The following PTPRH variants were observed in gnomAD, a reference collection of about 807,000 sequenced individuals.
PTPRH encodes the protein receptor-type tyrosine-protein phosphatase H.
PTPRH carries 113 observed loss-of-function variants against 130.2 expected under a neutral mutation model. The observed-to-expected ratio is 0.87, with a 90% CI of 0.75 to 1.01. PTPRH has a LOEUF of 1.01. PTPRH is among the 50% of genes least tolerant of loss of function. PTPRH has a pLI of 0.00. For synonymous variants in PTPRH, 556 were observed against 577.9 expected (o/e 0.96, Z 0.54); for missense variants, 1,430 against 1,425.0 (o/e 1.00, Z -0.06).
rs1417284879 is a variant in PTPRH, at chr19:55,209,126, C to T, written c.51+257G>A. Among the ~76,000 whole-genome samples the T allele has an allele frequency of 6.6e-6, 1 of 151,384 alleles. No homozygotes were observed. The highest frequency in any genetic ancestry group is 1.5e-5 in the Non-Finnish European group (1 of 67,762). On this transcript the variant is annotated intron_variant, in intron 1 of 19. Coordinates refer to ENST00000376350, the MANE Select transcript of PTPRH (RefSeq NM_002842.5). The surrounding 1 kb of genome is among the most constrained non-coding windows in gnomAD (Gnocchi z 4.1). ...ACAGTGTCTAAGGGCCCGGGTGAAG[C>T]TGGTGTCCCCCACAACAGACACGAC...
At chr19:55,204,096 T>C (rs45623435) in intron 4 of PTPRH, 48 bp from the exon 5 acceptor site, 182,478 of 1,521,378 alleles carry the variant, frequency 0.12, 11,723 homozygotes, top group African/African-American at 0.16. Context: ...CTACAGAACA[T>C]AACGGGGGCA....
At chr19:55,191,200 G>C (rs1293005049) in intron 12 of PTPRH, among the ~76,000 whole-genome samples, 1 of 152,210 alleles carries the variant, frequency 6.6e-6, no homozygotes, top group East Asian at 1.9e-4. Context: ...CAAGAATCTT[G>C]GTTTCATTTG....
At chr19:55,194,063 T>C in intron 10 of PTPRH, 1 of 831,482 alleles carries the variant, frequency 1.2e-6, no homozygotes. Flanking sequence ...TTCGTCAGGC[T>C]GGTCTCGAAC....
intron 10 of PTPRH, among the ~76,000 whole-genome samples, chr19:55,196,225 T>C (rs2086675479): frequency 6.6e-6 from 1 of 151,808 alleles, no homozygotes; most frequent in Non-Finnish European, 1.5e-5. Flanking sequence ...CCATCTCTAC[T>C]AAAAATCCAA....
chr19:55,186,496 C>T lies in PTPRH; in HGVS notation c.2611G>A (p.Gly871Ser). 6.4e-7 allele frequency: 1 copy of T among 1,562,502 alleles called. No individual in the cohort carries two copies. Among genetic ancestry groups the T allele is most frequent in the Non-Finnish European group, 8.6e-7 (1 of 1,160,420 alleles). ...VPLKPIHEEP[G>S]SDYINASFMP... ...AAGCTGGCATTGATGTAGTCAGAGC[C>T]TGGCTCCTCATGGATGGGCTTCAGG... Residue 871 changes from glycine to serine, a missense_variant, in exon 15 of 20, where the codon GGC (glycine) becomes AGC (serine). Transcript: ENST00000376350.
In PTPRH at chr19:55,187,683, C is replaced by A. The variant is rs2086402126; in HGVS notation, c.2476-80G>T. The A allele has an allele frequency of 1.6e-5, 16 of 1,021,094 alleles. 1 individual carries two copies. The highest frequency in any genetic ancestry group is 2.1e-4 in the Middle Eastern group (1 of 4,854). 63.3% of individuals were successfully genotyped at this position (1,021,094 alleles called of 1,614,324 possible). ...GGGGGTACCCCCGAGCTCCCCTTGC[C>A]TTCTTCGGCATCACCCCTTGTTTAT... is the stretch of plus-strand genomic sequence containing the variant. On this transcript the variant is annotated intron_variant, in intron 13 of 19. Coordinates refer to ENST00000376350, the MANE Select transcript of PTPRH (RefSeq NM_002842.5).
At chr19:55,204,978 G>A (rs2086997034) in intron 4 of PTPRH, among the ~76,000 whole-genome samples, 1 of 152,152 alleles carries the variant, frequency 6.6e-6, no homozygotes, top group African/African-American at 2.4e-5. Context: ...CTCAATATGT[G>A]ACGCAGCTGG....
chr19:55,201,835 TAG>T (rs924461952), intron 6 of PTPRH, among the ~76,000 whole-genome samples: 34 of 152,344 alleles, frequency 2.2e-4, no homozygotes, highest in African/African-American at 7.5e-4. Context: ...GTCCACATTC[TAG>T]AGAGTCCTAG....
At chr19:55,195,186 G>A (rs910975866) in intron 10 of PTPRH, among the ~76,000 whole-genome samples, 18 of 152,144 alleles carry the variant, frequency 1.2e-4, no homozygotes, top group African/African-American at 4.3e-4. Context: ...TTAGCTGGGC[G>A]TGGTAGGAGG....
chr19:55,201,001 T>C (rs936450936), intron 6 of PTPRH, among the ~76,000 whole-genome samples: 1 of 151,144 alleles, frequency 6.6e-6, no homozygotes, highest in Non-Finnish European at 1.5e-5. Flanking sequence ...TGGAATAGCA[T>C]TAAGAGGTAG....
intron 10 of PTPRH, among the ~76,000 whole-genome samples, chr19:55,192,840 C>T (rs1412977807): frequency 6.6e-6 from 1 of 151,906 alleles, no homozygotes; most frequent in African/African-American, 2.4e-5. Flanking sequence ...CATGAGCCAC[C>T]ATGCCCGGCT....
chr19:55,196,712 G>T lies in PTPRH; in HGVS notation c.2067C>A (p.Pro689=), dbSNP rs137912212. Residue 689 remains proline (P), a synonymous_variant, in exon 10 of 20, where the codon CCC becomes CCA. Coordinates refer to ENST00000376350, the MANE Select transcript of PTPRH (RefSeq NM_002842.5). Reference sequence around the variant, plus strand: ...ACTCAAAGGCCTCGTAGCCTCCCTGGGGGCAGGACCAGATCAAGTTGACTC... The same window carrying T: ...ACTCAAAGGCCTCGTAGCCTCCCTGTGGGCAGGACCAGATCAAGTTGACTC... ...GYGVNLIWSC[P]QGGYEAFELE... 4 of 1,613,944 alleles carry T rather than the reference G, an allele frequency of 2.5e-6. No individual in the cohort carries two copies. Among genetic ancestry groups the T allele is most frequent in the Non-Finnish European group, 3.4e-6 (4 of 1,180,022 alleles).
chr19:55,193,328 G>A (rs1030805753), intron 10 of PTPRH, among the ~76,000 whole-genome samples: 2 of 151,908 alleles, frequency 1.3e-5, no homozygotes, highest in African/African-American at 2.4e-5. Context: ...CTACTCAGGG[G>A]ACTGAGGCAG....
chr19:55,204,585 TC>T (rs972716818), intron 4 of PTPRH, among the ~76,000 whole-genome samples: 16 of 151,784 alleles, frequency 1.1e-4, no homozygotes, highest in Admixed American at 2.6e-4. Context: ...GAGACTGCAC[TC>T]CCCCCCACCC....
rs772313737 is a variant in PTPRH, at chr19:55,191,653, T to C, written c.2336+10A>G. 11 of 1,613,816 alleles carry C rather than the reference T, an allele frequency of 6.8e-6. No individual in the cohort carries two copies. The highest frequency in any genetic ancestry group is 9.3e-6 in the Non-Finnish European group (11 of 1,179,688). On this transcript the variant is annotated intron_variant, in intron 11 of 19. Transcript: ENST00000376350. ...ACCCTCCAGGCGGTCAGCCCTGTGCTGAGTCTCACCTCCTCTTCAGGAAGA... is the reference window on the plus strand; with the variant it reads ...ACCCTCCAGGCGGTCAGCCCTGTGCCGAGTCTCACCTCCTCTTCAGGAAGA...
Position 55,209,198 on chromosome 19 carries a change from G to A in PTPRH, c.51+185C>T, listed in dbSNP as rs1424949489. 2.0e-5 allele frequency among the ~76,000 whole-genome samples: 3 copies of A among 152,040 alleles called. No individual in the cohort carries two copies. The highest frequency in any genetic ancestry group is 2.9e-5 in the Non-Finnish European group (2 of 67,984). On this transcript the variant is annotated intron_variant, in intron 1 of 19. Transcript: ENST00000376350. The surrounding 1 kb of genome is among the most constrained non-coding windows in gnomAD (Gnocchi z 4.1). ...AGCTGGTGTCCCCCGCAGCAGACAC[G>A]ACAGTATCTAAGAGCCCAGGTGTAA...
intron 1 of PTPRH, 85 bp from the exon 2 acceptor site, chr19:55,207,284 T>A: frequency 6.8e-7 from 1 of 1,467,166 alleles, no homozygotes; most frequent in Non-Finnish European, 9.3e-7. Flanking sequence ...GAGCGGCTGG[T>A]CCCCGCCCCA....
At chr19:55,193,754 C>G (rs894348294) in intron 10 of PTPRH, among the ~76,000 whole-genome samples, 31 of 152,238 alleles carry the variant, frequency 2.0e-4, no homozygotes, top group African/African-American at 7.5e-4. Context: ...CTGTTCTCCC[C>G]AGATTGAGGC....
rs146349676 is a variant in PTPRH, at chr19:55,188,162, T to G, written c.2391A>C (p.Pro797=). The G allele has an allele frequency of 9.3e-6, 15 of 1,613,728 alleles. No homozygotes were observed. In the African/African-American group the frequency reaches 1.9e-4, roughly 20 times the overall value. Residue 797 remains proline, a synonymous_variant, in exon 13 of 20, where the codon CCA becomes CCC. Coordinates refer to ENST00000376350, the MANE Select transcript of PTPRH (RefSeq NM_002842.5). ...PELRDLVFSS[P]GDIPAEDFAD... is the part of the protein sequence containing the mutation. Reference sequence around the variant, plus strand: ...CGAAGTCTTCAGCTGGGATGTCCCCTGGGGAGCTACGGGTTTTGGGGGAGC... The same window carrying G: ...CGAAGTCTTCAGCTGGGATGTCCCCGGGGGAGCTACGGGTTTTGGGGGAGC...
Sources: allele counts gnomAD v4.1 joint callset (sites outside exome capture counted in the v4.1 genomes callset), GRCh38; gene constraint gnomAD v4.1.1; non-coding constraint Gnocchi (gnomAD v3.1); transcripts MANE v1.5; gene names NCBI Gene and HGNC (gene_info 2026-07-23, HGNC 2026-07-21).